Variants in TMEM45B observed in about 807,000 individuals in gnomAD.
TMEM45B encodes the protein transmembrane protein 45B.
TMEM45B carries 29 observed loss-of-function variants against 27.3 expected under a neutral mutation model. That is an observed-to-expected ratio of 1.06 (90% CI 0.79 to 1.45). The LOEUF (loss-of-function observed/expected upper bound fraction) is 1.45. Among genes scored for constraint, TMEM45B ranks in the 40% most tolerant of loss-of-function variants. The pLI is 0.00. For missense variants in TMEM45B, 348 were observed against 343.9 expected (o/e 1.01, Z -0.09); for synonymous variants, 143 against 134.7 (o/e 1.06, Z -0.43).
chr11:129,859,904 A>C lies in TMEM45B; in HGVS notation c.*1219A>C, dbSNP rs900029961. On this transcript the variant is annotated 3_prime_UTR_variant, in exon 6 of 6. Coordinates refer to ENST00000281441, the MANE Select transcript of TMEM45B (RefSeq NM_138788.5). ...ACTGAAATGGCTGTAAGGACTCCTG[A>C]GATATGTGTCCAGCAAGGAGTTTAC... 3 of 152,576 alleles carry C rather than the reference A, an allele frequency of 2.0e-5. No individual in the cohort carries two copies. The highest frequency in any genetic ancestry group is 7.2e-5 in the African/African-American group (3 of 41,442). 9.5% of individuals were successfully genotyped at this position (152,576 alleles called of 1,614,324 possible). A position where few individuals can be genotyped will look rare whatever the true frequency, so the allele number is the denominator to read the frequency against.
chr11:129,830,749 A>C (rs1468118618), intron 1 of TMEM45B, among the ~76,000 whole-genome samples: 3 of 152,248 alleles, frequency 2.0e-5, no homozygotes, highest in African/African-American at 7.2e-5. Flanking sequence ...AAAACAACAA[A>C]ATACCACTTC....
At chr11:129,857,869 T>TA (rs1394638327) in intron 5 of TMEM45B, among the ~76,000 whole-genome samples, 1 of 152,132 alleles carries the variant, frequency 6.6e-6, no homozygotes, top group Non-Finnish European at 1.5e-5. Flanking sequence ...AGCAGAATGT[T>TA]AAGACAAACT....
intron 1 of TMEM45B, among the ~76,000 whole-genome samples, chr11:129,820,765 C>T (rs998241783): frequency 9.8e-5 from 15 of 152,306 alleles, no homozygotes; most frequent in Non-Finnish European, 2.1e-4. Context: ...CTTTGGTCAA[C>T]ATAAATCAAT....
intron 1 of TMEM45B, among the ~76,000 whole-genome samples, chr11:129,845,992 A>G (rs982772355): frequency 6.6e-6 from 1 of 152,208 alleles, no homozygotes; most frequent in African/African-American, 2.4e-5. Flanking sequence ...TTTAAAGAGA[A>G]TATTCTCAAA....
At chr11:129,836,267 G>A (rs908361108) in intron 1 of TMEM45B, among the ~76,000 whole-genome samples, 1 of 134,820 alleles carries the variant, frequency 7.4e-6, no homozygotes, top group Non-Finnish European at 1.6e-5. Flanking sequence ...ATAATTTCTT[G>A]TCTGGTCGTA....
intron 1 of TMEM45B, among the ~76,000 whole-genome samples, chr11:129,818,924 A>G (rs1229228901): frequency 6.6e-6 from 1 of 152,198 alleles, no homozygotes; most frequent in Non-Finnish European, 1.5e-5. Flanking sequence ...AACAATGTTC[A>G]GATTTTTGCT....
chr11:129,835,646 G>C (rs1338864412), intron 1 of TMEM45B, among the ~76,000 whole-genome samples: 6 of 152,214 alleles, frequency 3.9e-5, no homozygotes, highest in Non-Finnish European at 5.9e-5. Flanking sequence ...CAGGCACACA[G>C]ATTCAGGGGC....
chr11:129,825,253 C>CGAATTTAGCA (rs1947464606), intron 1 of TMEM45B, among the ~76,000 whole-genome samples: 1 of 151,866 alleles, frequency 6.6e-6, no homozygotes, highest in Non-Finnish European at 1.5e-5. Context: ...CTTGGGGAAG[C>CGAATTTAGCA]GAATTTAGCA....
intron 1 of TMEM45B, among the ~76,000 whole-genome samples, chr11:129,822,728 T>C (rs1443889866): frequency 6.6e-6 from 1 of 152,186 alleles, no homozygotes; most frequent in African/African-American, 2.4e-5. Context: ...TTTTATTTTC[T>C]ATTGAAAAAG....
At chr11:129,820,600 A>G (rs919018521) in intron 1 of TMEM45B, among the ~76,000 whole-genome samples, 6 of 152,182 alleles carry the variant, frequency 3.9e-5, no homozygotes, top group Non-Finnish European at 7.3e-5. Context: ...TCCATTATGG[A>G]CGGGCACGCC....
intron 1 of TMEM45B, among the ~76,000 whole-genome samples, chr11:129,832,536 G>A (rs1009730517): frequency 1.3e-5 from 2 of 151,972 alleles, no homozygotes; most frequent in African/African-American, 2.4e-5. Context: ...GATTGCCAGG[G>A]GTTGGGGGGC....
chr11:129,832,365 G>A (rs1402347008), intron 1 of TMEM45B, among the ~76,000 whole-genome samples: 1 of 152,148 alleles, frequency 6.6e-6, no homozygotes, highest in Non-Finnish European at 1.5e-5. Flanking sequence ...CTGAGACTGT[G>A]TCTCAAATAA....
At chr11:129,826,548 C>CACAAAAAAAAA (rs765482228) in intron 1 of TMEM45B, among the ~76,000 whole-genome samples, 1 of 17,832 alleles carries the variant, frequency 5.6e-5, no homozygotes, top group Admixed American at 5.3e-4. Flanking sequence ...GACTCTGTCA[C>CACAAAAAAAAA]AAAAAAAAAA....
At chr11:129,837,585 C>CTTTGTTTTTTTTTTTTTTTTTTT (rs1947637011) in intron 1 of TMEM45B, among the ~76,000 whole-genome samples, 1 of 80,294 alleles carries the variant, frequency 1.2e-5, no homozygotes, top group Non-Finnish European at 2.5e-5. Flanking sequence ...CTGCACTGGG[C>CTTTGTTTTTTTTTTTTTTTTTTT]TTTTTTTTTT....
intron 1 of TMEM45B, among the ~76,000 whole-genome samples, chr11:129,828,604 A>G (rs1175174092): frequency 6.6e-6 from 1 of 152,156 alleles, no homozygotes; most frequent in Non-Finnish European, 1.5e-5. Context: ...AGAGGTATTA[A>G]CCTTGTTATT....
intron 1 of TMEM45B, among the ~76,000 whole-genome samples, chr11:129,838,339 G>GCCA (rs2135576268): frequency 6.6e-6 from 1 of 152,186 alleles, no homozygotes; most frequent in South Asian, 2.1e-4. Context: ...AAGCCAGGGC[G>GCCA]CCACCACCAG....
At chr11:129,857,763 C>G (rs1333133450) in intron 5 of TMEM45B, among the ~76,000 whole-genome samples, 3 of 152,122 alleles carry the variant, frequency 2.0e-5, no homozygotes, top group Non-Finnish European at 2.9e-5. Flanking sequence ...GGATGGCAGT[C>G]CCCACGTAAA....
intron 1 of TMEM45B, among the ~76,000 whole-genome samples, chr11:129,840,488 C>T (rs1406602880): frequency 6.6e-6 from 1 of 152,108 alleles, no homozygotes; most frequent in African/African-American, 2.4e-5. Context: ...TTTTTCTGCA[C>T]CTTTGCCTAG....
At chr11:129,856,456 C>T (rs1947926781) in intron 4 of TMEM45B, among the ~76,000 whole-genome samples, 1 of 151,954 alleles carries the variant, frequency 6.6e-6, no homozygotes, top group Admixed American at 6.6e-5. Flanking sequence ...AGTGATCCGC[C>T]TGCCTCAGCC....
Sources: gnomAD v4.1 joint callset for allele counts (sites outside exome capture counted in the v4.1 genomes callset) on GRCh38, gnomAD v4.1.1 for gene constraint, MANE v1.5 for transcripts, NCBI Gene and HGNC (gene_info 2026-07-23, HGNC 2026-07-21) for gene names.